TRPS1: variants seen among roughly 807,000 people sequenced by gnomAD.
The protein encoded by TRPS1 is zinc finger transcription factor Trps1.
A neutral mutation model predicts 101.2 loss-of-function variants in TRPS1; 6 were observed. That is an observed-to-expected ratio of 0.06 (90% CI 0.03 to 0.12). The LOEUF (loss-of-function observed/expected upper bound fraction) is 0.12. TRPS1 is among the 10% of genes least tolerant of loss of function. The probability of loss-of-function intolerance (pLI) is 1.00; values close to 1 mark genes in which losing one functional copy is unlikely to be tolerated. For synonymous variants in TRPS1, 578 were observed against 589.8 expected (o/e 0.98, Z 0.29); for missense variants, 1,363 against 1,567.0 (o/e 0.87, Z 2.20).
chr8:115,603,727 G>T, intron 4 of TRPS1, 146 bp downstream of exon 4: 2 of 951,432 alleles, frequency 2.1e-6, no homozygotes, highest in Non-Finnish European at 3.1e-6. Context: ...CTGCAAATCT[G>T]TGATGAACTT....
chr8:115,563,619 C>CA (rs1197407894), intron 5 of TRPS1, among the ~76,000 whole-genome samples: 1 of 152,064 alleles, frequency 6.6e-6, no homozygotes, highest in African/African-American at 2.4e-5. Flanking sequence ...TCTATGACTT[C>CA]AAAGTGACCA....
chr8:115,612,916 T>C (rs1404314818), intron 3 of TRPS1, among the ~76,000 whole-genome samples: 1 of 152,096 alleles, frequency 6.6e-6, no homozygotes, highest in Non-Finnish European at 1.5e-5. Context: ...GCACTGAATG[T>C]AGGCGGAGGA....
rs1307038565 is a variant in TRPS1, at chr8:115,587,533, T to A, written c.2168A>T (p.His723Leu). Residue 723 changes from histidine (H) to leucine (L), a missense_variant, in exon 5 of 7, where the codon CAC (histidine) becomes CTC (leucine). Physicochemically the swap from His to Leu is moderately conservative, Grantham distance 99. Around this residue, in one of 5 missense-constraint regions of TRPS1, gnomAD observed 1,020 missense variants for 1,073.0 expected, o/e 0.95. Transcript: ENST00000395715. ...TAADTQSLLE[H>L]FNTVHCQEQD... ...TTCCTGGCAGTGAACAGTGTTGAAG[T>A]GCTCCAGTAGTGACTGAGTATCGGC... 1 of 1,614,146 alleles carries A rather than the reference T, an allele frequency of 6.2e-7. No homozygotes were observed. Among genetic ancestry groups the A allele is most frequent in the South Asian group, 1.1e-5 (1 of 91,076 alleles).
rs556459928 is a variant in TRPS1 at position 115,480,670 on chromosome 8, C to T, written c.2701-62218G>A. 2.6e-5 allele frequency among the ~76,000 whole-genome samples: 4 copies of T among 152,078 alleles called. No individual in the cohort carries two copies. In the South Asian group the frequency reaches 6.2e-4, roughly 24 times the overall value. On this transcript the variant is annotated intron_variant, in intron 5 of 6. Coordinates refer to ENST00000395715, the MANE Select transcript of TRPS1 (RefSeq NM_014112.5). Reference sequence around the variant, plus strand: ...AAGAATGCATATATTATATTCAGGGCCATTTTTCGGCATACATATATCTCT... The same window carrying T: ...AAGAATGCATATATTATATTCAGGGTCATTTTTCGGCATACATATATCTCT...
At chr8:115,621,963 C>T (rs1398724032) in intron 2 of TRPS1, among the ~76,000 whole-genome samples, 1 of 151,528 alleles carries the variant, frequency 6.6e-6, no homozygotes, top group African/African-American at 2.4e-5. Context: ...AAAGAAAGTA[C>T]ACTGTTCTTC....
At chr8:115,656,794 C>G (rs1391707931) in intron 1 of TRPS1, among the ~76,000 whole-genome samples, 1 of 151,876 alleles carries the variant, frequency 6.6e-6, no homozygotes, top group African/African-American at 2.4e-5. Flanking sequence ...TCTGAAAACA[C>G]AAGAGAAAAT....
intron 5 of TRPS1, among the ~76,000 whole-genome samples, chr8:115,507,826 G>A (rs1311753039): frequency 6.6e-6 from 1 of 151,866 alleles, no homozygotes; most frequent in Non-Finnish European, 1.5e-5. Context: ...TATTATATAG[G>A]TCTGGCCCGA....
At chr8:115,636,367 T>A (rs1046680657) in intron 1 of TRPS1, among the ~76,000 whole-genome samples, 5 of 152,172 alleles carry the variant, frequency 3.3e-5, no homozygotes, top group Admixed American at 1.3e-4. Flanking sequence ...CCAAATGTCA[T>A]ACATACATTC....
intron 5 of TRPS1, among the ~76,000 whole-genome samples, chr8:115,578,619 C>T (rs762055231): frequency 6.6e-6 from 1 of 151,724 alleles, no homozygotes; most frequent in African/African-American, 2.4e-5. Flanking sequence ...CCACAATACA[C>T]TGAAAAATTA....
At chr8:115,535,474 C>G (rs1816290437) in intron 5 of TRPS1, among the ~76,000 whole-genome samples, 1 of 147,656 alleles carries the variant, frequency 6.8e-6, no homozygotes, top group South Asian at 2.1e-4. Context: ...ATATACATAT[C>G]ACACATATAT....
chr8:115,570,568 T>C (rs1462599594), intron 5 of TRPS1, among the ~76,000 whole-genome samples: 4 of 151,770 alleles, frequency 2.6e-5, no homozygotes, highest in South Asian at 2.1e-4. Context: ...AATTTGCAAA[T>C]GGATAAATTA....
intron 1 of TRPS1, among the ~76,000 whole-genome samples, chr8:115,637,719 A>G (rs1051640599): frequency 6.6e-6 from 1 of 152,170 alleles, no homozygotes; most frequent in Non-Finnish European, 1.5e-5. Context: ...CCCATAAATG[A>G]GTAGGTGCTG....
chr8:115,462,986 T>C (rs370618066), intron 5 of TRPS1, among the ~76,000 whole-genome samples: 61 of 152,322 alleles, frequency 4.0e-4, no homozygotes, highest in African/African-American at 1.3e-3. Flanking sequence ...TCTTAATGGC[T>C]TTAAGTCTCA....
At chr8:115,654,060 T>C (rs1285977137) in intron 1 of TRPS1, among the ~76,000 whole-genome samples, 1 of 152,198 alleles carries the variant, frequency 6.6e-6, no homozygotes, top group East Asian at 1.9e-4. Flanking sequence ...ACTATTAGGT[T>C]TGAAAGATAA....
At chr8:115,665,969 T>C (rs1170208833) in intron 1 of TRPS1, among the ~76,000 whole-genome samples, 1 of 152,160 alleles carries the variant, frequency 6.6e-6, no homozygotes, top group Non-Finnish European at 1.5e-5. Context: ...AGCTCGCCAG[T>C]GGTAAATAAT....
At chr8:115,470,093 T>G (rs1209494869) in intron 5 of TRPS1, among the ~76,000 whole-genome samples, 1 of 152,218 alleles carries the variant, frequency 6.6e-6, no homozygotes, top group Non-Finnish European at 1.5e-5. Flanking sequence ...CCACAAGGAA[T>G]ACTAACTTCA....
chr8:115,534,663 C>T (rs577765369), intron 5 of TRPS1, among the ~76,000 whole-genome samples: 5 of 152,310 alleles, frequency 3.3e-5, no homozygotes, highest in African/African-American at 7.2e-5. Flanking sequence ...TTCTCTTTCT[C>T]GCTTTTTTTC....
chr8:115,511,562 G>A (rs1392473937), intron 5 of TRPS1, among the ~76,000 whole-genome samples: 1 of 151,790 alleles, frequency 6.6e-6, no homozygotes, highest in South Asian at 2.1e-4. Context: ...TTTTGGAAGT[G>A]ACACCTGTGG....
At chr8:115,459,330 T>C (rs1247151109) in intron 5 of TRPS1, among the ~76,000 whole-genome samples, 2 of 151,626 alleles carry the variant, frequency 1.3e-5, no homozygotes, top group East Asian at 3.9e-4. Flanking sequence ...TCTCAAATAA[T>C]AATAATAATA....
Sources: gnomAD v4.1 joint callset for allele counts (sites outside exome capture counted in the v4.1 genomes callset) on GRCh38, gnomAD v4.1.1 for gene constraint, gnomAD v4.1.1 regional missense constraint, MANE v1.5 for transcripts, NCBI Gene and HGNC (gene_info 2026-07-23, HGNC 2026-07-21) for gene names.